The following SLC8A1 variants were observed in gnomAD, a reference collection of about 807,000 sequenced individuals.
SLC8A1 encodes the protein solute carrier family 8 member A1, also known as sodium/calcium exchanger 1.
A neutral mutation model predicts 68.3 loss-of-function variants in SLC8A1; 18 were observed. That is an observed-to-expected ratio of 0.26 (90% CI 0.18 to 0.39). SLC8A1 has a LOEUF of 0.39. SLC8A1 is among the 10% of genes least tolerant of loss of function. The pLI, the probability that SLC8A1 is intolerant of heterozygous loss-of-function variation, is 1.00. For missense variants in SLC8A1, 985 were observed against 1,156.7 expected (o/e 0.85, Z 2.15); for synonymous variants, 475 against 415.5 (o/e 1.14, Z -1.74).
chr2:40,463,508 C>T (rs978450232), intron 1 of SLC8A1, among the ~76,000 whole-genome samples: 2 of 152,128 alleles, frequency 1.3e-5, no homozygotes, highest in Admixed American at 6.5e-5. Flanking sequence ...TGCCCTTTTT[C>T]ACTTCTCTCT....
chr2:40,289,866 T>C (rs939476814), intron 2 of SLC8A1, among the ~76,000 whole-genome samples: 2 of 142,874 alleles, frequency 1.4e-5, no homozygotes, highest in African/African-American at 6.0e-5. Flanking sequence ...GTCTCAAAAA[T>C]TAAATTAAAT....
At chr2:40,188,501 T>C (rs950179394) in intron 2 of SLC8A1, among the ~76,000 whole-genome samples, 3 of 152,212 alleles carry the variant, frequency 2.0e-5, no homozygotes, top group Non-Finnish European at 4.4e-5. Flanking sequence ...TTTCAAAAGC[T>C]CTCTTCGTCC....
intron 2 of SLC8A1, among the ~76,000 whole-genome samples, chr2:40,344,085 G>A (rs1668508818): frequency 6.6e-6 from 1 of 152,152 alleles, no homozygotes; most frequent in African/African-American, 2.4e-5. Context: ...AGATGGTCAA[G>A]GAAAGCTTCC....
At chr2:40,409,053 C>A (rs1270122297) in intron 2 of SLC8A1, among the ~76,000 whole-genome samples, 6 of 152,052 alleles carry the variant, frequency 3.9e-5, no homozygotes, top group Non-Finnish European at 5.9e-5. Flanking sequence ...TTTGACATTA[C>A]AAATATACCA....
intron 2 of SLC8A1, among the ~76,000 whole-genome samples, chr2:40,259,027 C>T (rs545903937): frequency 7.7e-6 from 1 of 130,010 alleles, no homozygotes; most frequent in South Asian, 2.6e-4. Flanking sequence ...CATAAAGAGA[C>T]CTCAGAGATG....
At chr2:40,163,941 T>C (rs981857123) in intron 5 of SLC8A1, among the ~76,000 whole-genome samples, 2 of 152,202 alleles carry the variant, frequency 1.3e-5, no homozygotes, top group Non-Finnish European at 2.9e-5. Context: ...TCTAAATTGG[T>C]GGTCTGATTC....
intron 7 of SLC8A1, among the ~76,000 whole-genome samples, chr2:40,121,279 A>C (rs1487400109): frequency 1.3e-5 from 2 of 152,182 alleles, no homozygotes; most frequent in Non-Finnish European, 2.9e-5. Flanking sequence ...TGAGAACCAC[A>C]GTTGTAAGAC....
intron 1 of SLC8A1, among the ~76,000 whole-genome samples, chr2:40,472,255 T>G (rs1257649036): frequency 2.0e-5 from 3 of 152,222 alleles, no homozygotes; most frequent in Non-Finnish European, 4.4e-5. Context: ...AACTTCTATG[T>G]CTCAAATTAT....
At chr2:40,411,535 C>A (rs1692140269) in intron 2 of SLC8A1, among the ~76,000 whole-genome samples, 1 of 151,674 alleles carries the variant, frequency 6.6e-6, no homozygotes, top group African/African-American at 2.4e-5. Flanking sequence ...GATTTTTTTG[C>A]TTTCTCAAAA....
intron 1 of SLC8A1, among the ~76,000 whole-genome samples, chr2:40,435,736 C>T (rs546708290): frequency 6.6e-6 from 1 of 152,002 alleles, no homozygotes; most frequent in African/African-American, 2.4e-5. Context: ...CACTGTTGGC[C>T]CTTTCCCCTA....
intron 2 of SLC8A1, among the ~76,000 whole-genome samples, chr2:40,403,990 G>C (rs1050654187): frequency 1.3e-5 from 2 of 152,068 alleles, no homozygotes; most frequent in African/African-American, 4.8e-5. Context: ...GTTTATCATG[G>C]ATTTGCAGAT....
At chr2:40,437,932 A>T (rs1370488968) in intron 1 of SLC8A1, among the ~76,000 whole-genome samples, 1 of 152,058 alleles carries the variant, frequency 6.6e-6, no homozygotes, top group Non-Finnish European at 1.5e-5. Context: ...TTCTGTGGAA[A>T]CCAGGACCCT....
intron 2 of SLC8A1, among the ~76,000 whole-genome samples, chr2:40,417,122 G>A (rs1694111113): frequency 6.6e-6 from 1 of 152,112 alleles, no homozygotes; most frequent in Non-Finnish European, 1.5e-5. Context: ...TCTCAGTCTT[G>A]TGATTGTCTT....
chr2:40,483,327 A>C (rs1359953024), intron 1 of SLC8A1, among the ~76,000 whole-genome samples: 2 of 151,916 alleles, frequency 1.3e-5, no homozygotes, highest in Non-Finnish European at 2.9e-5. Flanking sequence ...GGTGATTAAA[A>C]GATAAAGAAG....
At chr2:40,110,635 G>C (rs1350770763) in exon 8 of SLC8A1, 4 of 152,130 alleles carry the variant, frequency 2.6e-5, no homozygotes, top group Non-Finnish European at 5.9e-5. Flanking sequence ...GGTCAGGTGA[G>C]ATCCAATATT....
At chr2:40,242,132 ATGTG>A (rs980579260) in intron 2 of SLC8A1, among the ~76,000 whole-genome samples, 1 of 151,212 alleles carries the variant, frequency 6.6e-6, no homozygotes, top group South Asian at 2.1e-4. Flanking sequence ...TGTGAGAAGG[ATGTG>A]TGTGTGTGTG....
At chr2:40,327,133 C>T (rs1223428890) in intron 2 of SLC8A1, among the ~76,000 whole-genome samples, 1 of 152,204 alleles carries the variant, frequency 6.6e-6, no homozygotes, top group Non-Finnish European at 1.5e-5. Flanking sequence ...CAATCTTTCT[C>T]ATATGCATGT....
intron 1 of SLC8A1, among the ~76,000 whole-genome samples, chr2:40,485,542 A>G (rs1428094401): frequency 1.3e-5 from 2 of 152,190 alleles, no homozygotes; most frequent in Non-Finnish European, 2.9e-5. Context: ...GCCAGGTGAT[A>G]TGTTCTTCCT....
intron 2 of SLC8A1, among the ~76,000 whole-genome samples, chr2:40,418,481 T>C (rs907348465): frequency 2.0e-5 from 3 of 152,168 alleles, no homozygotes; most frequent in African/African-American, 7.2e-5. Flanking sequence ...CATGTCAGGA[T>C]ATTCTGAGGT....
Sources: gnomAD v4.1 joint callset for allele counts (sites outside exome capture counted in the v4.1 genomes callset) on GRCh38, gnomAD v4.1.1 for gene constraint, MANE v1.5 for transcripts, NCBI Gene and HGNC (gene_info 2026-07-23, HGNC 2026-07-21) for gene names.